Variants in FMN1 observed in about 807,000 individuals in gnomAD.
The protein encoded by FMN1 is formin-1.
A neutral mutation model predicts 132.4 loss-of-function variants in FMN1; 110 were observed. The ratio of observed to expected loss-of-function variants is 0.83; its 90% CI spans 0.71 to 0.97. The LOEUF is 0.97. Ranked by LOEUF, FMN1 falls within the 50% of genes least tolerant of loss-of-function variation. The probability of loss-of-function intolerance (pLI) is 0.00; values close to 1 mark genes in which losing one functional copy is unlikely to be tolerated. For missense variants in FMN1, 1,792 were observed against 1,705.3 expected (o/e 1.05, Z -0.90); for synonymous variants, 722 against 651.7 (o/e 1.11, Z -1.64).
intron 17 of FMN1, among the ~76,000 whole-genome samples, chr15:32,812,678 T>C (rs1217839938): frequency 2.0e-5 from 3 of 152,228 alleles, no homozygotes; most frequent in African/African-American, 7.2e-5. Flanking sequence ...GTTTCAGATT[T>C]TGGAGCATTT....
At chr15:33,176,862 C>T (rs980493055) in intron 3 of FMN1, among the ~76,000 whole-genome samples, 2 of 152,168 alleles carry the variant, frequency 1.3e-5, no homozygotes, top group African/African-American at 2.4e-5. Flanking sequence ...CAGGGGTCTT[C>T]GCAGATGGCA....
chr15:33,088,973 A>G lies in FMN1; in HGVS notation c.1869T>C (p.Gly623=). The G allele has an allele frequency of 6.5e-7, 1 of 1,529,940 alleles. No individual in the cohort carries two copies. Among genetic ancestry groups the G allele is most frequent in the Non-Finnish European group, 8.7e-7 (1 of 1,145,150 alleles). 94.8% of individuals were successfully genotyped at this position (1,529,940 alleles called of 1,614,324 possible). ...CCCAGGGAAAGCCCTCAGAGGAGAT[A>G]CCTAAACAAACACAGAGAAGGCCAT... ...TAEPQHQSPP[G]ISSEGFPWDG... is the part of the protein sequence containing the mutation. The change falls in exon 5 of 21, where the codon GGT becomes GGC. Residue 623 remains glycine, a splice_region_variant and synonymous_variant. Coordinates refer to ENST00000616417, the MANE Select transcript of FMN1 (RefSeq NM_001277313.2).
At chr15:33,169,742 T>A (rs1965244984) in intron 3 of FMN1, among the ~76,000 whole-genome samples, 1 of 106,094 alleles carries the variant, frequency 9.4e-6, no homozygotes, top group South Asian at 2.9e-4. Flanking sequence ...TTCTTTTCCT[T>A]TTTTTTTTTT....
At chr15:33,126,144 G>C (rs1314153247) in intron 4 of FMN1, among the ~76,000 whole-genome samples, 1 of 152,092 alleles carries the variant, frequency 6.6e-6, no homozygotes, top group African/African-American at 2.4e-5. Context: ...CTGACTAAAT[G>C]AGTTTATCCC....
chr15:33,028,512 G>C (rs2035784947), intron 6 of FMN1, among the ~76,000 whole-genome samples: 1 of 121,888 alleles, frequency 8.2e-6, no homozygotes, highest in Non-Finnish European at 1.8e-5. Context: ...GAACTACAGA[G>C]GAAAAAATAA....
intron 4 of FMN1, among the ~76,000 whole-genome samples, chr15:33,127,110 C>T (rs1963158767): frequency 6.6e-6 from 1 of 152,152 alleles, no homozygotes; most frequent in South Asian, 2.1e-4. Flanking sequence ...GAGTGATGAA[C>T]GAGATAGCAT....
In FMN1 at chr15:32,870,820, A is replaced by G. The variant is rs990071859; in HGVS notation, c.3836-13713T>C. On this transcript the variant is annotated intron_variant, in intron 16 of 20. Transcript: ENST00000616417. ...ATCCCTTTCACTGGTCCCCACAAAA[A>G]TCGCCACCATGAGAAGCCTTCCCTT... 5.3e-5 allele frequency among the ~76,000 whole-genome samples: 8 copies of G among 152,330 alleles called. 1 individual carries two copies. The highest frequency in any genetic ancestry group is 1.9e-4 in the East Asian group (1 of 5,188).
rs2059945354 is a variant in FMN1, at chr15:32,888,402, T to TAAG, written c.3715-113_3715-111dup. On this transcript the variant is annotated intron_variant, in intron 15 of 20. Transcript: ENST00000616417. ...AAAGCTTTTTTATTGGATGTCTGAG[T>TAAG]AAGAATCATAGCAATGCTCCTCTGC... 7.2e-6 allele frequency: 7 copies of TAAG among 965,898 alleles called. No individual in the cohort carries two copies. In the East Asian group the frequency reaches 1.8e-4, roughly 24 times the overall value. 59.8% of individuals were successfully genotyped at this position (965,898 alleles called of 1,614,324 possible).
At chr15:32,850,602 C>G (rs555965511) in intron 17 of FMN1, among the ~76,000 whole-genome samples, 2 of 152,270 alleles carry the variant, frequency 1.3e-5, no homozygotes, top group Non-Finnish European at 2.9e-5. Context: ...ATAAATTCAA[C>G]AAACACTTAT....
At chr15:32,928,287 G>C (rs187570860) in intron 9 of FMN1, among the ~76,000 whole-genome samples, 4 of 151,768 alleles carry the variant, frequency 2.6e-5, no homozygotes, top group Non-Finnish European at 5.9e-5. Context: ...AACAGAAATA[G>C]AGAAGGTACT....
intron 5 of FMN1, among the ~76,000 whole-genome samples, chr15:33,088,068 G>A (rs1345754363): frequency 6.6e-6 from 1 of 152,044 alleles, no homozygotes; most frequent in Non-Finnish European, 1.5e-5. Context: ...GGAAAGGGTT[G>A]GGGGAAGCGA....
At chr15:32,811,175 A>AC (rs2141042583) in intron 17 of FMN1, 1 of 431,820 alleles carries the variant, frequency 2.3e-6, no homozygotes, top group South Asian at 1.6e-5. Context: ...CAGAGTTCTT[A>AC]CCCTTACATT....
At chr15:32,883,029 G>A (rs2059808062) in intron 16 of FMN1, among the ~76,000 whole-genome samples, 1 of 152,204 alleles carries the variant, frequency 6.6e-6, no homozygotes, top group African/African-American at 2.4e-5. Flanking sequence ...CTGCTGAAGA[G>A]CAGGGACAGA....
At chr15:33,123,785 T>C (rs1262480667) in intron 4 of FMN1, among the ~76,000 whole-genome samples, 1 of 152,242 alleles carries the variant, frequency 6.6e-6, no homozygotes, top group Non-Finnish European at 1.5e-5. Context: ...AGTTAGAACT[T>C]CTTGTATTAC....
At chr15:33,075,472 C>A (rs1323631632) in intron 5 of FMN1, among the ~76,000 whole-genome samples, 1 of 152,166 alleles carries the variant, frequency 6.6e-6, no homozygotes, top group African/African-American at 2.4e-5. Context: ...AAACTGAGCT[C>A]CAAAGAAAAT....
At position 32,926,266 on chromosome 15, in the gene FMN1, A is replaced by C; in HGVS notation, c.3139-5T>G. On this transcript the variant is annotated splice_polypyrimidine_tract_variant and splice_region_variant and intron_variant, in intron 9 of 20. Coordinates refer to ENST00000616417, the MANE Select transcript of FMN1 (RefSeq NM_001277313.2). ...TCCATCCAACAATTTGATGATCTAA[A>C]ATTAGAAAAAAAAAAAAAAGAATAC... 6.8e-7 allele frequency: 1 copy of C among 1,465,000 alleles called. No individual in the cohort carries two copies. Among genetic ancestry groups the C allele is most frequent in the East Asian group, 2.3e-5 (1 of 42,858 alleles). 90.8% of individuals were successfully genotyped at this position (1,465,000 alleles called of 1,614,324 possible).
At chr15:33,115,045 T>TATCA (rs1282387764) in intron 4 of FMN1, among the ~76,000 whole-genome samples, 1 of 152,206 alleles carries the variant, frequency 6.6e-6, no homozygotes, top group East Asian at 1.9e-4. Context: ...AGACTTCATC[T>TATCA]ATCAATCAGT....
At chr15:33,062,048 G>A (rs1488165203) in intron 6 of FMN1, among the ~76,000 whole-genome samples, 1 of 152,024 alleles carries the variant, frequency 6.6e-6, no homozygotes, top group Non-Finnish European at 1.5e-5. Context: ...CCACACATCA[G>A]ACAACACAGT....
At chr15:33,160,333 G>A (rs1440553164) in intron 3 of FMN1, among the ~76,000 whole-genome samples, 1 of 152,190 alleles carries the variant, frequency 6.6e-6, no homozygotes, top group Non-Finnish European at 1.5e-5. Context: ...GGAGGACTGA[G>A]CCAAACCAGG....
Sources: gnomAD v4.1 joint callset for allele counts (sites outside exome capture counted in the v4.1 genomes callset) on GRCh38, gnomAD v4.1.1 for gene constraint, MANE v1.5 for transcripts, NCBI Gene and HGNC (gene_info 2026-07-23, HGNC 2026-07-21) for gene names.